Variants in CNBD1 observed in about 807,000 individuals in gnomAD.
CNBD1 encodes cyclic nucleotide binding domain containing 1, also known as cyclic nucleotide-binding domain-containing protein 1.
CNBD1 carries 71 observed loss-of-function variants against 54.4 expected under a neutral mutation model. That is an observed-to-expected ratio of 1.30 (90% CI 1.08 to 1.59). The LOEUF (loss-of-function observed/expected upper bound fraction) is 1.59. Ranked by LOEUF, CNBD1 falls within the 40% of genes most tolerant of loss-of-function variation. The pLI, the probability that CNBD1 is intolerant of heterozygous loss-of-function variation, is 0.00. For missense variants in CNBD1, 659 were observed against 518.0 expected (o/e 1.27, Z -2.64); for synonymous variants, 182 against 170.7 (o/e 1.07, Z -0.51).
Position 87,353,623 on chromosome 8 carries a change from AT to A in CNBD1, c.1153-6del, listed in dbSNP as rs755033590. The A allele has an allele frequency of 8.5e-6, 13 of 1,526,232 alleles. No individual in the cohort carries two copies. Among genetic ancestry groups the A allele is most frequent in the African/African-American group, 1.4e-5 (1 of 71,914 alleles). The allele number at this position is 1,526,232 out of a possible 1,614,324, so 94.5% of individuals were successfully genotyped here. A position where few individuals can be genotyped will look rare whatever the true frequency, so the allele number is the denominator to read the frequency against. Reference sequence around the variant, plus strand: ...CAGTTGCATTAAACATCAATAATATATTTTTTTAACAGAAAAGATCTCAAAA... The same window carrying A: ...CAGTTGCATTAAACATCAATAATATATTTTTTAACAGAAAAGATCTCAAAA... On this transcript the variant is annotated splice_polypyrimidine_tract_variant and intron_variant, in intron 9 of 10. Transcript: ENST00000518476.
At chr8:87,396,119 T>C (rs1462199447) in intron 2 of CNBD1, among the ~76,000 whole-genome samples, 1 of 151,944 alleles carries the variant, frequency 6.6e-6, no homozygotes, top group Non-Finnish European at 1.5e-5. Flanking sequence ...CACTGTCTAA[T>C]GAATGACTAT....
chr8:86,937,021 G>T (rs1217525229), intron 3 of CNBD1, among the ~76,000 whole-genome samples: 3 of 152,070 alleles, frequency 2.0e-5, no homozygotes, highest in Admixed American at 2.0e-4. Flanking sequence ...GTATTCATCT[G>T]TTCTCACACT....
At chr8:86,913,501 G>C (rs972644114) in intron 3 of CNBD1, among the ~76,000 whole-genome samples, 1 of 152,118 alleles carries the variant, frequency 6.6e-6, no homozygotes, top group Non-Finnish European at 1.5e-5. Flanking sequence ...ACAAAAGAGA[G>C]AAATTTTAAA....
chr8:87,401,890 C>T (rs1345216987), intron 2 of CNBD1, among the ~76,000 whole-genome samples: 1 of 152,002 alleles, frequency 6.6e-6, no homozygotes, highest in Non-Finnish European at 1.5e-5. Context: ...TAAGGGCCCT[C>T]TCTTCCTTGT....
chr8:87,388,236 C>G (rs1273119275), intron 2 of CNBD1, among the ~76,000 whole-genome samples: 2 of 151,908 alleles, frequency 1.3e-5, no homozygotes, highest in Non-Finnish European at 2.9e-5. Context: ...TAGCAGAAGG[C>G]AAGAAATAAC....
At chr8:87,272,584 A>G (rs1808390648) in intron 6 of CNBD1, among the ~76,000 whole-genome samples, 1 of 151,980 alleles carries the variant, frequency 6.6e-6, no homozygotes, top group Non-Finnish European at 1.5e-5. Context: ...ATGACAAGAA[A>G]AAGTCTGTGA....
chr8:87,284,346 T>TCC (rs1171251677), intron 6 of CNBD1, among the ~76,000 whole-genome samples: 4 of 152,134 alleles, frequency 2.6e-5, no homozygotes, highest in African/African-American at 9.7e-5. Context: ...AAACAGAAGA[T>TCC]CATATATATA....
chr8:87,005,233 G>A (rs889519153), intron 4 of CNBD1, among the ~76,000 whole-genome samples: 5 of 151,914 alleles, frequency 3.3e-5, no homozygotes, highest in African/African-American at 9.7e-5. Flanking sequence ...AGCCGGGCAC[G>A]GTGGCGGGCG....
At chr8:87,173,877 C>T (rs191747903) in intron 4 of CNBD1, among the ~76,000 whole-genome samples, 28 of 151,828 alleles carry the variant, frequency 1.8e-4, no homozygotes, top group African/African-American at 2.7e-4. Context: ...GCCTTCTCTT[C>T]GGGGCCAATA....
At chr8:87,344,257 G>T (rs113423375) in intron 8 of CNBD1, among the ~76,000 whole-genome samples, 2,834 of 149,952 alleles carry the variant, frequency 0.019, 89 homozygotes, top group African/African-American at 0.065. Context: ...TTTATTCAGT[G>T]GTTCTATATA....
At chr8:87,053,065 C>A (rs190044619) in intron 4 of CNBD1, among the ~76,000 whole-genome samples, 1 of 152,092 alleles carries the variant, frequency 6.6e-6, no homozygotes, top group Non-Finnish European at 1.5e-5. Context: ...CAGAAGTTTT[C>A]TTTGATGGTT....
chr8:86,956,935 T>C (rs1481569524), intron 4 of CNBD1, among the ~76,000 whole-genome samples: 2 of 152,224 alleles, frequency 1.3e-5, no homozygotes, highest in Non-Finnish European at 2.9e-5. Flanking sequence ...CTTCCAGTTT[T>C]TGCCCATTCA....
intron 10 of CNBD1, among the ~76,000 whole-genome samples, chr8:87,382,368 G>A (rs552558228): frequency 4.6e-5 from 7 of 151,920 alleles, no homozygotes; most frequent in Non-Finnish European, 1.0e-4. Context: ...TTGGTTAGAA[G>A]AGAGGATCAA....
At chr8:86,922,931 A>G (rs1479376105) in intron 3 of CNBD1, among the ~76,000 whole-genome samples, 1 of 152,136 alleles carries the variant, frequency 6.6e-6, no homozygotes, top group Non-Finnish European at 1.5e-5. Context: ...AAGTAAGGAG[A>G]AACTACAATG....
At chr8:87,252,179 A>C (rs981232325) in intron 6 of CNBD1, among the ~76,000 whole-genome samples, 1 of 152,192 alleles carries the variant, frequency 6.6e-6, no homozygotes, top group Non-Finnish European at 1.5e-5. Context: ...ACAGTGGTCC[A>C]AGATATACTA....
chr8:87,275,259 T>C (rs190109803), intron 6 of CNBD1, among the ~76,000 whole-genome samples: 1 of 138,002 alleles, frequency 7.2e-6, no homozygotes, highest in East Asian at 2.0e-4. Context: ...TGATGCGGGC[T>C]CTTTTTTGGT....
At chr8:86,920,595 A>G (rs4557720) in intron 3 of CNBD1, among the ~76,000 whole-genome samples, 65,151 of 151,960 alleles carry the variant, frequency 0.43, 14,601 homozygotes, top group African/African-American at 0.56. Context: ...ACTCTCTAAT[A>G]TGCCAAAGGC....
intron 2 of CNBD1, among the ~76,000 whole-genome samples, chr8:87,412,508 C>G (rs1331432123): frequency 6.6e-6 from 1 of 152,000 alleles, no homozygotes; most frequent in Non-Finnish European, 1.5e-5. Flanking sequence ...CCCACATGGT[C>G]CCTGTTCAAA....
chr8:87,311,310 TAAAG>T (rs780260945), intron 8 of CNBD1, among the ~76,000 whole-genome samples: 2 of 151,940 alleles, frequency 1.3e-5, no homozygotes, highest in Non-Finnish European at 2.9e-5. Context: ...AGATGCTTCT[TAAAG>T]AAGACATAAA....
Sources: allele counts gnomAD v4.1 joint callset (sites outside exome capture counted in the v4.1 genomes callset), GRCh38; gene constraint gnomAD v4.1.1; transcripts MANE v1.5; gene names NCBI Gene and HGNC (gene_info 2026-07-23, HGNC 2026-07-21).